Variants in ACTR3C observed in about 807,000 individuals in gnomAD.
ACTR3C encodes the protein actin-related protein 3C.
In ACTR3C, 18 loss-of-function variants were observed where a neutral mutation model predicts 26.3. The ratio of observed to expected loss-of-function variants is 0.68; its 90% CI spans 0.47 to 1.01. The LOEUF (loss-of-function observed/expected upper bound fraction) is 1.01. Ranked by LOEUF, ACTR3C falls within the 50% of genes least tolerant of loss-of-function variation. ACTR3C has a pLI of 0.00. For missense variants in ACTR3C, 184 were observed against 250.7 expected, an observed-to-expected ratio of 0.73 and a Z score of 1.80; for synonymous variants, 55 against 94.5, an observed-to-expected ratio of 0.58 and a Z score of 2.42.
the ACTR3C span, among the ~76,000 whole-genome samples, chr7:150,067,456 G>A: frequency 6.6e-6 from 1 of 152,164 alleles, no homozygotes; most frequent in South Asian, 2.1e-4. Flanking sequence ...TATATAGAAG[G>A]ATATAGTAAC....
the ACTR3C span, among the ~76,000 whole-genome samples, chr7:150,146,045 G>T: frequency 1.3e-5 from 2 of 151,878 alleles, no homozygotes; most frequent in South Asian, 4.1e-4. Context: ...CTTATTAAGT[G>T]GATCTCTGTC....
At chr7:149,905,291 AC>A in the ACTR3C span, among the ~76,000 whole-genome samples, 1 of 152,116 alleles carries the variant, frequency 6.6e-6, no homozygotes, top group East Asian at 1.9e-4. Context: ...CATAAATGGT[AC>A]CTCCATATGA....
At chr7:150,140,418 T>G in the ACTR3C span, among the ~76,000 whole-genome samples, 2 of 152,140 alleles carry the variant, frequency 1.3e-5, no homozygotes, top group African/African-American at 4.8e-5. Flanking sequence ...TTTAAAGAAG[T>G]TCTACTGTGG....
At chr7:150,163,323 C>T in the ACTR3C span, among the ~76,000 whole-genome samples, 3 of 151,224 alleles carry the variant, frequency 2.0e-5, no homozygotes, top group Non-Finnish European at 2.9e-5. Flanking sequence ...TTCAAAGAAA[C>T]AAAACCAATA....
chr7:149,974,886 G>A, the ACTR3C span, among the ~76,000 whole-genome samples: 1 of 151,962 alleles, frequency 6.6e-6, no homozygotes, highest in South Asian at 2.1e-4. Context: ...AAGGTCCCTA[G>A]GATGATGTGA....
the ACTR3C span, among the ~76,000 whole-genome samples, chr7:149,886,031 C>T: frequency 6.6e-6 from 1 of 152,214 alleles, no homozygotes; most frequent in African/African-American, 2.4e-5. Flanking sequence ...TTAGTAGCAC[C>T]TGCCTCATAG....
chr7:149,933,414 T>C, the ACTR3C span, among the ~76,000 whole-genome samples: 7 of 152,074 alleles, frequency 4.6e-5, no homozygotes, highest in African/African-American at 1.7e-4. Flanking sequence ...AAATTAGTTT[T>C]GAAAAAATTT....
intron 1 of ACTR3C, among the ~76,000 whole-genome samples, chr7:150,316,480 GTTATT>G (rs368519587): frequency 8.0e-4 from 106 of 131,710 alleles, no homozygotes; most frequent in South Asian, 2.1e-3. Flanking sequence ...TTAGAATCTG[GTTATT>G]TTTTTTTTTT....
chr7:150,286,382 T>C lies in ACTR3C; in HGVS notation c.456A>G (p.Ile152Met). ...VGYERFLGPE[I>M]FFHPEFANPD... Reference sequence around the variant, plus strand: ...AACACCTTACCTCCGGGTGAAAGAATATTTCAGGTCCCAGGAATCTTTCGT... The same window carrying C: ...AACACCTTACCTCCGGGTGAAAGAACATTTCAGGTCCCAGGAATCTTTCGT... Residue 152 changes from isoleucine to methionine, a missense_variant, in exon 5 of 8, where the codon ATA (isoleucine) becomes ATG (methionine). Transcript: ENST00000683684. 1 of 1,614,002 alleles carries C rather than the reference T, an allele frequency of 6.2e-7. No individual in the cohort carries two copies. The highest frequency in any genetic ancestry group is 1.1e-5 in the South Asian group (1 of 91,030).
At chr7:150,284,400 G>A (rs1046112397) in intron 6 of ACTR3C, among the ~76,000 whole-genome samples, 7 of 152,154 alleles carry the variant, frequency 4.6e-5, no homozygotes, top group Admixed American at 1.3e-4. Flanking sequence ...AAAAAAATTC[G>A]CTGGGCGTGG....
chr7:150,123,523 T>C, the ACTR3C span, among the ~76,000 whole-genome samples: 1 of 151,902 alleles, frequency 6.6e-6, no homozygotes, highest in Non-Finnish European at 1.5e-5. Flanking sequence ...GCAGCATCTC[T>C]TGCACACAAA....
At chr7:150,125,427 G>A in the ACTR3C span, among the ~76,000 whole-genome samples, 67 of 139,588 alleles carry the variant, frequency 4.8e-4, no homozygotes, top group Non-Finnish European at 8.9e-4. Flanking sequence ...CTCTAATAGA[G>A]AGTCTAGAAA....
chr7:150,245,332 G>A (rs1239692731), downstream of ACTR3C: 1 of 152,136 alleles, frequency 6.6e-6, no homozygotes, highest in Non-Finnish European at 1.5e-5. Context: ...TGAAATATCT[G>A]TGGTTTATTA....
rs1045205860 is a variant in ACTR3C, at chr7:150,274,692, G to A, written c.564+10061C>T. Among the ~76,000 whole-genome samples, 3 of 152,196 alleles carry A rather than the reference G, an allele frequency of 2.0e-5. No homozygotes were observed. Among genetic ancestry groups the A allele is most frequent in the Non-Finnish European group, 2.9e-5 (2 of 68,030 alleles). ...GAGTGCAGTCACGATGCTAGGAAGC[G>A]GCTCAGCCCACGTGGAGACCCACGC... On this transcript the variant is annotated intron_variant, in intron 6 of 7. Coordinates refer to ENST00000683684, the MANE Select transcript of ACTR3C (RefSeq NM_001164458.2). This position sits in a 1 kb window ranked among gnomAD's most constrained non-coding sequence, Gnocchi z 4.1.
At chr7:149,966,500 G>T in the ACTR3C span, among the ~76,000 whole-genome samples, 1 of 152,196 alleles carries the variant, frequency 6.6e-6, no homozygotes. Flanking sequence ...CAAGTTAAGT[G>T]AGAGCATTCT....
the ACTR3C span, among the ~76,000 whole-genome samples, chr7:150,143,589 C>G: frequency 7.9e-5 from 12 of 152,216 alleles, no homozygotes; most frequent in Non-Finnish European, 1.2e-4. Flanking sequence ...AGTCCTCTTC[C>G]CTGATCCCCG....
At chr7:150,301,013 A>G (rs139271095) in intron 1 of ACTR3C, among the ~76,000 whole-genome samples, 1,995 of 152,206 alleles carry the variant, frequency 0.013, 50 homozygotes, top group African/African-American at 0.045. Flanking sequence ...GCCTAATAAC[A>G]TCACCTATCT....
the ACTR3C span, among the ~76,000 whole-genome samples, chr7:149,930,792 ATTGTT>A: frequency 2.0e-5 from 3 of 152,094 alleles, no homozygotes; most frequent in Non-Finnish European, 4.4e-5. Flanking sequence ...AAATTTTTGT[ATTGTT>A]TTGTTTTGTT....
At chr7:149,966,327 C>T in the ACTR3C span, among the ~76,000 whole-genome samples, 437 of 152,296 alleles carry the variant, frequency 2.9e-3, 3 homozygotes, top group African/African-American at 0.01. Flanking sequence ...TGGGATTAAA[C>T]ATCAGGTAAA....
Sources: allele counts gnomAD v4.1 joint callset (sites outside exome capture counted in the v4.1 genomes callset), GRCh38; gene constraint gnomAD v4.1.1; non-coding constraint Gnocchi (gnomAD v3.1); transcripts MANE v1.5; gene names NCBI Gene and HGNC (gene_info 2026-07-23, HGNC 2026-07-21).